CC2D2B: variants seen among roughly 807,000 people sequenced by gnomAD.
The protein encoded by CC2D2B is coiled-coil and C2 domain containing 2B.
Under a neutral mutation model 161.2 loss-of-function variants are expected in CC2D2B, and 128 were observed. The observed-to-expected ratio is 0.79, with a 90% CI of 0.69 to 0.92. The LOEUF is 0.92. Among genes scored for constraint, CC2D2B ranks in the 40% least tolerant of loss-of-function variants. The pLI is 0.00. For synonymous variants in CC2D2B, 391 were observed against 449.8 expected (o/e 0.87, Z 1.65); for missense variants, 1,173 against 1,375.1 (o/e 0.85, Z 2.32).
intron 10 of CC2D2B, among the ~76,000 whole-genome samples, chr10:95,951,763 C>T (rs1160562062): frequency 6.6e-6 from 1 of 151,956 alleles, no homozygotes; most frequent in Non-Finnish European, 1.5e-5. Context: ...TATATATAGA[C>T]TCTGGGTTTA....
intron 29 of CC2D2B, among the ~76,000 whole-genome samples, chr10:96,015,590 A>G (rs1201640973): frequency 1.3e-5 from 2 of 151,966 alleles, no homozygotes; most frequent in Non-Finnish European, 2.9e-5. Context: ...ATAGACCACC[A>G]GTTGGCTACT....
At position 95,927,257 on chromosome 10, in the gene CC2D2B, C is replaced by G. The variant is rs1298593735; in HGVS notation, c.261C>G (p.Val87=). 1.5e-5 allele frequency: 24 copies of G among 1,548,842 alleles called. No homozygotes were observed. Among genetic ancestry groups the G allele is most frequent in the Non-Finnish European group, 2.1e-5 (24 of 1,144,264 alleles). ...QRSKLSPQTE[V]SLDESLSFFI... ...CATAGTTGTCTCCACAGACTGAAGT[C>G]TCATTGGATGAAAGTCTTTCATTTT... is the stretch of plus-strand genomic sequence containing the variant. Residue 87 remains valine (V), a synonymous_variant, in exon 6 of 35, where the codon GTC becomes GTG. Transcript: ENST00000646931.
At position 96,024,918 on chromosome 10, in the gene CC2D2B, T is replaced by A; in HGVS notation, c.3947+7T>A. The A allele has an allele frequency of 6.6e-7, 1 of 1,504,316 alleles. No homozygotes were observed. Among genetic ancestry groups the A allele is most frequent in the Non-Finnish European group, 9.0e-7 (1 of 1,106,186 alleles). 93.2% of individuals were successfully genotyped at this position (1,504,316 alleles called of 1,614,324 possible). A position where few individuals can be genotyped will look rare whatever the true frequency, so the allele number is the denominator to read the frequency against. ...TAGAAGATCTAAGGAATAGGTACTG[T>A]GTTTTCCCCTAATCTCTTGTTGGGT... On this transcript the variant is annotated splice_region_variant and intron_variant, in intron 33 of 34. Transcript: ENST00000646931.
At chr10:95,911,664 A>G (rs1688626301) in intron 2 of CC2D2B, among the ~76,000 whole-genome samples, 1 of 152,218 alleles carries the variant, frequency 6.6e-6, no homozygotes, top group African/African-American at 2.4e-5. Flanking sequence ...GATGTTTGTC[A>G]GTGAGTTAAA....
chr10:96,018,572 C>T (rs1195779004), intron 30 of CC2D2B: 3 of 152,192 alleles, frequency 2.0e-5, no homozygotes, highest in African/African-American at 7.2e-5. Context: ...TTGGGAAACC[C>T]TTGTAATGCA....
intron 5 of CC2D2B, 129 bp downstream of exon 5, chr10:95,924,973 T>A: frequency 5.2e-6 from 3 of 572,000 alleles, no homozygotes; most frequent in Non-Finnish European, 9.3e-6. Flanking sequence ...AATTGTTCAA[T>A]CAATACCACA....
At chr10:95,908,990 C>T (rs188646282) in intron 1 of CC2D2B, among the ~76,000 whole-genome samples, 4 of 152,144 alleles carry the variant, frequency 2.6e-5, no homozygotes, top group Admixed American at 2.6e-4. Context: ...GAGAAGTGGG[C>T]CCAAATCTTT....
At chr10:96,009,612 C>T (rs565967877) in intron 25 of CC2D2B, among the ~76,000 whole-genome samples, 3 of 152,224 alleles carry the variant, frequency 2.0e-5, no homozygotes, top group African/African-American at 4.8e-5. Flanking sequence ...GTCATAAACT[C>T]CACAACAGAT....
At chr10:95,964,781 C>T (rs963599007) in intron 12 of CC2D2B, among the ~76,000 whole-genome samples, 1 of 152,124 alleles carries the variant, frequency 6.6e-6, no homozygotes, top group Non-Finnish European at 1.5e-5. Context: ...ACCTTTTAAA[C>T]AGCTCTCTTG....
rs187127592 is a variant in CC2D2B at position 95,985,967 on chromosome 10, G to A, written c.2286+2158G>A. Among the ~76,000 whole-genome samples the A allele has an allele frequency of 4.6e-5, 7 of 152,128 alleles. No individual in the cohort carries two copies. The East Asian group carries it at 9.7e-4, about 21-fold the overall frequency. On this transcript the variant is annotated intron_variant, in intron 19 of 34. Transcript: ENST00000646931. ...CCGCCTAATAAATTTTGGTCAGACC[G>A]GTTGTCTGCTCTCAAACCCTGTCTC...
At chr10:95,930,389 C>A (rs1353177623) in intron 6 of CC2D2B, among the ~76,000 whole-genome samples, 1 of 152,162 alleles carries the variant, frequency 6.6e-6, no homozygotes. Flanking sequence ...CCCTTTATTT[C>A]TTTCTCTTGC....
At chr10:95,919,793 G>A (rs2098523168) in intron 2 of CC2D2B, 1 of 151,984 alleles carries the variant, frequency 6.6e-6, no homozygotes, top group East Asian at 1.9e-4. Context: ...TGCCATTGAA[G>A]TGCGAGGGCC....
chr10:95,992,760 C>T lies in CC2D2B; in HGVS notation c.2642+63C>T, dbSNP rs866591221. ...GTCTATTTTAAATGTGAGAATTCTCCATGCTGTTCTATTTGTAAACCTTTG... is the reference window on the plus strand; with the variant it reads ...GTCTATTTTAAATGTGAGAATTCTCTATGCTGTTCTATTTGTAAACCTTTG... On this transcript the variant is annotated intron_variant, in intron 22 of 34. Transcript: ENST00000646931. 2.2e-5 allele frequency: 23 copies of T among 1,045,332 alleles called. No individual in the cohort carries two copies. In the Middle Eastern group the frequency reaches 2.6e-3, roughly 119 times the overall value. The allele number at this position is 1,045,332 out of a possible 1,614,324, so 64.8% of individuals were successfully genotyped here. A position where few individuals can be genotyped will look rare whatever the true frequency, so the allele number is the denominator to read the frequency against.
intron 10 of CC2D2B, chr10:95,950,319 A>C (rs920351388): frequency 2.8e-6 from 1 of 352,358 alleles, no homozygotes; most frequent in African/African-American, 2.1e-5. Flanking sequence ...ATGGTTTACT[A>C]ATCAATGGTA....
At chr10:96,021,337 A>G (rs2079448723) in intron 32 of CC2D2B, 1 of 152,252 alleles carries the variant, frequency 6.6e-6, no homozygotes, top group African/African-American at 2.4e-5. Context: ...GAAACAGTTC[A>G]TCAACTAGAA....
intron 17 of CC2D2B, among the ~76,000 whole-genome samples, chr10:95,975,273 T>A (rs183019755): frequency 1.3e-3 from 194 of 152,252 alleles, no homozygotes; most frequent in African/African-American, 4.3e-3. Context: ...AGGGAGAACA[T>A]TATATATAAA....
chr10:95,961,838 A>G lies in CC2D2B; in HGVS notation c.1119A>G (p.Lys373=). 8.1e-7 allele frequency: 1 copy of G among 1,231,550 alleles called. No homozygotes were observed. Among genetic ancestry groups the G allele is most frequent in the Non-Finnish European group, 1.0e-6 (1 of 987,552 alleles). 76.3% of individuals were successfully genotyped at this position (1,231,550 alleles called of 1,614,324 possible). ...GCCATTTTTGTTGTAGTAATACAAAACAGATGTATGACTTAGAAAGGGGAA... is the reference window on the plus strand; with the variant it reads ...GCCATTTTTGTTGTAGTAATACAAAGCAGATGTATGACTTAGAAAGGGGAA... ...QDYYWQISNT[K]QMYDLERGKD... Residue 373 remains lysine (K), a synonymous_variant, in exon 12 of 35, where the codon AAA becomes AAG. Transcript: ENST00000646931.
chr10:95,964,309 C>T (rs2076867396), intron 12 of CC2D2B, among the ~76,000 whole-genome samples: 1 of 152,126 alleles, frequency 6.6e-6, no homozygotes. Flanking sequence ...ACTCGTAACA[C>T]TTATTCCCCA....
At chr10:95,958,816 A>AGAGAAAG (rs2076666115) in intron 11 of CC2D2B, among the ~76,000 whole-genome samples, 1 of 152,100 alleles carries the variant, frequency 6.6e-6, no homozygotes, top group South Asian at 2.1e-4. Flanking sequence ...GAGAAGATAG[A>AGAGAAAG]GAGAAAGAAA....
Sources: gnomAD v4.1 joint callset for allele counts (sites outside exome capture counted in the v4.1 genomes callset) on GRCh38, gnomAD v4.1.1 for gene constraint, MANE v1.5 for transcripts, NCBI Gene and HGNC (gene_info 2026-07-23, HGNC 2026-07-21) for gene names.